The following COL23A1 variants were observed in gnomAD, a reference collection of about 807,000 sequenced individuals.
COL23A1 encodes the protein collagen alpha-1(XXIII) chain.
A neutral mutation model predicts 99.3 loss-of-function variants in COL23A1; 97 were observed. That is an observed-to-expected ratio of 0.98 (90% CI 0.83 to 1.16). The LOEUF is 1.16. Among genes scored for constraint, COL23A1 ranks in the 50% most tolerant of loss-of-function variants. The pLI, the probability that COL23A1 is intolerant of heterozygous loss-of-function variation, is 0.00. For missense variants in COL23A1, 762 were observed against 757.4 expected, an observed-to-expected ratio of 1.01 and a Z score of -0.07; for synonymous variants, 320 against 308.2, an observed-to-expected ratio of 1.04 and a Z score of -0.40.
Position 178,590,186 on chromosome 5 carries a change from G to T in COL23A1, c.12C>A (p.Gly4=). 2.5e-6 allele frequency: 3 copies of T among 1,215,790 alleles called. No homozygotes were observed. The highest frequency in any genetic ancestry group is 4.0e-5 in the South Asian group (1 of 25,200). The allele number at this position is 1,215,790 out of a possible 1,614,324, so 75.3% of individuals were successfully genotyped here. MGP[G]ERAGGGGDAG... ...CGTCGCCGCCGCCACCGGCGCGCTC[G>T]CCTGGGCCCATGGCGCGTTCGTCGC... is the stretch of plus-strand genomic sequence containing the variant. The change falls in exon 1 of 29, where the codon GGC becomes GGA. Residue 4 remains glycine (G), a synonymous_variant. Transcript: ENST00000390654. This position sits in a 1 kb window ranked among gnomAD's most constrained non-coding sequence, Gnocchi z 5.7.
At chr5:178,294,014 G>C (rs1757599584) in intron 3 of COL23A1, among the ~76,000 whole-genome samples, 1 of 151,978 alleles carries the variant, frequency 6.6e-6, no homozygotes, top group Non-Finnish European at 1.5e-5. Flanking sequence ...GGTGACCCAG[G>C]GGCTGGAACC....
chr5:178,442,974 C>A (rs1766960606), intron 2 of COL23A1: 1 of 152,260 alleles, frequency 6.6e-6, no homozygotes, highest in Non-Finnish European at 1.5e-5. Context: ...CCCCAGGCGG[C>A]CTGTTTCCTT....
chr5:178,371,869 G>C (rs962493214), intron 2 of COL23A1, among the ~76,000 whole-genome samples: 3 of 152,224 alleles, frequency 2.0e-5, no homozygotes, highest in Admixed American at 2.0e-4. Flanking sequence ...TTGCCAACTA[G>C]AGTGAAATCC....
chr5:178,336,141 C>T (rs1760304132), intron 2 of COL23A1, among the ~76,000 whole-genome samples: 1 of 152,208 alleles, frequency 6.6e-6, no homozygotes, highest in South Asian at 2.1e-4. Context: ...GGCTGGCACA[C>T]ACATTAGGTG....
intron 3 of COL23A1, among the ~76,000 whole-genome samples, chr5:178,302,688 C>A (rs559865025): frequency 2.6e-5 from 4 of 152,238 alleles, no homozygotes; most frequent in African/African-American, 9.6e-5. Flanking sequence ...TTGAACATCT[C>A]ATTCCCTATA....
chr5:178,357,493 G>A (rs1761724694), intron 2 of COL23A1, among the ~76,000 whole-genome samples: 1 of 152,224 alleles, frequency 6.6e-6, no homozygotes, highest in Non-Finnish European at 1.5e-5. Flanking sequence ...GGTTTTAACC[G>A]TCCGCTGGGG....
At chr5:178,579,996 G>A (rs262048) in intron 1 of COL23A1, among the ~76,000 whole-genome samples, 47,142 of 151,958 alleles carry the variant, frequency 0.31, 13,509 homozygotes, top group African/African-American at 0.74. Context: ...TCTTACCCAC[G>A]ATAGAGCAGC....
At chr5:178,470,268 C>T (rs1489320340) in intron 2 of COL23A1, among the ~76,000 whole-genome samples, 3 of 152,258 alleles carry the variant, frequency 2.0e-5, no homozygotes, top group African/African-American at 7.2e-5. Context: ...TGGTCCGCTA[C>T]CGTGAGCTCT....
chr5:178,588,299 G>A (rs1253736929), intron 1 of COL23A1, among the ~76,000 whole-genome samples: 1 of 152,202 alleles, frequency 6.6e-6, no homozygotes, highest in Non-Finnish European at 1.5e-5. Context: ...GTGGCTGCCT[G>A]CCCAGGATGC....
At chr5:178,288,818 C>G (rs2973771) in intron 4 of COL23A1, among the ~76,000 whole-genome samples, 86,820 of 152,016 alleles carry the variant, frequency 0.57, 26,055 homozygotes, top group Non-Finnish European at 0.69. Flanking sequence ...ACTGTGGCTG[C>G]ATGCTTCTCT....
intron 5 of COL23A1, among the ~76,000 whole-genome samples, chr5:178,286,930 T>C (rs901037441): frequency 7.2e-5 from 11 of 152,208 alleles, no homozygotes; most frequent in Non-Finnish European, 1.6e-4. Flanking sequence ...CCTCTGGACC[T>C]GTGAATACAG....
At chr5:178,525,856 C>A (rs758801024) in intron 2 of COL23A1, among the ~76,000 whole-genome samples, 12 of 152,272 alleles carry the variant, frequency 7.9e-5, no homozygotes, top group Non-Finnish European at 1.3e-4. Flanking sequence ...ACAGGCAAAG[C>A]ACGGCCTAGG....
intron 5 of COL23A1, among the ~76,000 whole-genome samples, chr5:178,278,054 T>A (rs56401561): frequency 0.011 from 1,720 of 152,266 alleles, 35 homozygotes; most frequent in African/African-American, 0.038. Flanking sequence ...CAGCCGTGGA[T>A]GGGGTGGAAA....
intron 2 of COL23A1, among the ~76,000 whole-genome samples, chr5:178,474,377 G>C (rs1348719210): frequency 6.6e-6 from 1 of 152,116 alleles, no homozygotes; most frequent in Non-Finnish European, 1.5e-5. Context: ...ATATAGCAGT[G>C]GGCTACATAT....
At chr5:178,435,673 G>A (rs1279295613) in intron 2 of COL23A1, among the ~76,000 whole-genome samples, 1 of 152,208 alleles carries the variant, frequency 6.6e-6, no homozygotes, top group Non-Finnish European at 1.5e-5. Flanking sequence ...GCGAGGGGGA[G>A]GGAGGTGATC....
rs1756896544 is a variant in COL23A1, at chr5:178,281,492, G to A, written c.441+6832C>T. ...GGACTGAGGCCGGAGATGAAGTGCA[G>A]TCACCGCTCCCTCGACTCCAGAGGG... On this transcript the variant is annotated intron_variant, in intron 5 of 28. Coordinates refer to ENST00000390654, the MANE Select transcript of COL23A1 (RefSeq NM_173465.4). The surrounding 1 kb of genome is among the most constrained non-coding windows in gnomAD (Gnocchi z 4.0). Among the ~76,000 whole-genome samples, 1 of 152,156 alleles carries A rather than the reference G, an allele frequency of 6.6e-6. No homozygotes were observed.
At chr5:178,431,851 T>C (rs1233445678) in intron 2 of COL23A1, among the ~76,000 whole-genome samples, 1 of 152,230 alleles carries the variant, frequency 6.6e-6, no homozygotes, top group Non-Finnish European at 1.5e-5. Flanking sequence ...CTTCTTGAAT[T>C]GTCACACATT....
chr5:178,452,039 A>T (rs1031485973), intron 2 of COL23A1, among the ~76,000 whole-genome samples: 5 of 152,192 alleles, frequency 3.3e-5, no homozygotes, highest in African/African-American at 1.2e-4. Flanking sequence ...TAAAAATGCA[A>T]AAGTAGCTAG....
chr5:178,349,988 G>A (rs546540402), intron 2 of COL23A1, among the ~76,000 whole-genome samples: 4 of 152,274 alleles, frequency 2.6e-5, no homozygotes, highest in Admixed American at 6.5e-5. Context: ...CCAGGGTCTC[G>A]GGTCCTATCA....
Sources: gnomAD v4.1 joint callset for allele counts (sites outside exome capture counted in the v4.1 genomes callset) on GRCh38, gnomAD v4.1.1 for gene constraint, Gnocchi (gnomAD v3.1) non-coding constraint, MANE v1.5 for transcripts, NCBI Gene and HGNC (gene_info 2026-07-23, HGNC 2026-07-21) for gene names.